Variants in TMEFF1 observed in about 807,000 individuals in gnomAD.
TMEFF1 encodes transmembrane protein with EGF like and two follistatin like domains 1.
A neutral mutation model predicts 47.5 loss-of-function variants in TMEFF1; 20 were observed. That is an observed-to-expected ratio of 0.42 (90% CI 0.30 to 0.61). TMEFF1 has a LOEUF of 0.61. Among genes scored for constraint, TMEFF1 ranks in the 20% least tolerant of loss-of-function variants. TMEFF1 has a pLI of 0.19. For missense variants in TMEFF1, 411 were observed against 471.1 expected (o/e 0.87, Z 1.18); for synonymous variants, 162 against 166.3 (o/e 0.97, Z 0.20).
chr9:100,534,929 T>A (rs1238317394), intron 5 of TMEFF1, among the ~76,000 whole-genome samples: 3 of 152,178 alleles, frequency 2.0e-5, no homozygotes, highest in African/African-American at 7.2e-5. Flanking sequence ...ATCCTTTAGG[T>A]CAGGGTGGGC....
intron 5 of TMEFF1, among the ~76,000 whole-genome samples, chr9:100,545,646 C>G (rs1224400992): frequency 6.6e-6 from 1 of 152,178 alleles, no homozygotes; most frequent in African/African-American, 2.4e-5. Flanking sequence ...GCTTGAATTT[C>G]TTCTCAAAAA....
rs531572759 is a variant in TMEFF1, at chr9:100,513,197, C to G, written c.437-110C>G. 210 of 1,409,882 alleles carry G rather than the reference C, an allele frequency of 1.5e-4. No individual in the cohort carries two copies. In the African/African-American group the frequency reaches 2.7e-3, roughly 18 times the overall value. 87.3% of individuals were successfully genotyped at this position (1,409,882 alleles called of 1,614,324 possible). On this transcript the variant is annotated intron_variant, in intron 3 of 9. Coordinates refer to ENST00000374879, the MANE Select transcript of TMEFF1 (RefSeq NM_003692.5). ...AGATATCAAAAATATGAGAAAAGGA[C>G]TCTTTGAGAATGGATATCACAGTTT...
At chr9:100,575,069 G>A (rs1839323722) in intron 9 of TMEFF1, among the ~76,000 whole-genome samples, 1 of 152,028 alleles carries the variant, frequency 6.6e-6, no homozygotes, top group African/African-American at 2.4e-5. Flanking sequence ...TTTTATTATG[G>A]TATTTCCTCC....
intron 1 of TMEFF1, among the ~76,000 whole-genome samples, chr9:100,487,250 A>G (rs550471265): frequency 5.3e-5 from 8 of 152,030 alleles, no homozygotes; most frequent in African/African-American, 1.2e-4. Flanking sequence ...TGCAACCTCT[A>G]CCTCCTGGGT....
At chr9:100,503,881 A>G (rs968479960) in intron 2 of TMEFF1, among the ~76,000 whole-genome samples, 15 of 152,218 alleles carry the variant, frequency 9.9e-5, no homozygotes, top group Non-Finnish European at 2.1e-4. Context: ...TCCTTCACAG[A>G]TAAACCCAGA....
rs759006069 is a variant in TMEFF1, at chr9:100,498,762, C to T, written c.197-3C>T. The stretch of plus-strand genomic sequence containing the variant: ...TATGTCAAACAATTTTTTTCTTTTG[C>T]AGAATTAAATGTGAGGGAGTCTGAC... On this transcript the variant is annotated splice_polypyrimidine_tract_variant and splice_region_variant and intron_variant, in intron 1 of 9. Transcript: ENST00000374879. 6.2e-7 allele frequency: 1 copy of T among 1,609,166 alleles called. No individual in the cohort carries two copies. Among genetic ancestry groups the T allele is most frequent in the East Asian group, 2.2e-5 (1 of 44,808 alleles).
At position 100,473,661 on chromosome 9, in the gene TMEFF1, G is replaced by A. The variant is rs1564259086; in HGVS notation, c.117G>A (p.Ala39=). The change falls in exon 1 of 10, where the codon GCG becomes GCA. Residue 39 remains alanine, a synonymous_variant. Transcript: ENST00000374879. The surrounding 1 kb of genome is among the most constrained non-coding windows in gnomAD (Gnocchi z 5.4). The stretch of plus-strand genomic sequence containing the variant: ...CCTTCTCTCTGCCCGGGAGCCGCGC[G>A]TCCAACCAGCCCCCGGGTGGTGGCG... ...LFAFSLPGSR[A]SNQPPGGGGG... The A allele has an allele frequency of 1.9e-6, 3 of 1,546,690 alleles. No homozygotes were observed. The highest frequency in any genetic ancestry group is 1.7e-4 in the Middle Eastern group (1 of 5,872).
chr9:100,473,575 C>G lies in TMEFF1; in HGVS notation c.31C>G (p.Arg11Gly), dbSNP rs1461603750. The G allele has an allele frequency of 4.5e-6, 7 of 1,545,130 alleles. No homozygotes were observed. Among genetic ancestry groups the G allele is most frequent in the Non-Finnish European group, 5.2e-6 (6 of 1,147,750 alleles). The change falls in exon 1 of 10, where the codon CGG (arginine) becomes GGG (glycine). Residue 11 changes from arginine (R) to glycine (G), a missense_variant. Coordinates refer to ENST00000374879, the MANE Select transcript of TMEFF1 (RefSeq NM_003692.5). This position sits in a 1 kb window ranked among gnomAD's most constrained non-coding sequence, Gnocchi z 5.4. MGAAAAEAPL[R>G]LPAAPPLAFC... ...CGCCGCAGCCGCTGAGGCGCCGCTC[C>G]GGCTGCCTGCCGCGCCTCCGCTCGC...
intron 5 of TMEFF1, among the ~76,000 whole-genome samples, chr9:100,530,717 C>T (rs963031348): frequency 1.3e-5 from 2 of 152,170 alleles, no homozygotes; most frequent in Admixed American, 6.5e-5. Context: ...AAAGAGGGAA[C>T]CCTTCCTAAC....
At chr9:100,507,169 G>T (rs529807998) in intron 2 of TMEFF1, among the ~76,000 whole-genome samples, 2 of 152,246 alleles carry the variant, frequency 1.3e-5, no homozygotes, top group South Asian at 4.1e-4. Context: ...CTGCATCCAT[G>T]TTGCTGCAGA....
intron 2 of TMEFF1, among the ~76,000 whole-genome samples, chr9:100,501,253 A>G (rs923532029): frequency 2.0e-5 from 3 of 152,218 alleles, no homozygotes; most frequent in Non-Finnish European, 4.4e-5. Flanking sequence ...ACTCATGTGC[A>G]GATTAACATT....
Position 100,574,982 on chromosome 9 carries a change from T to G in TMEFF1, c.1059-1534T>G, listed in dbSNP as rs1026977257. Among the ~76,000 whole-genome samples, 10 of 152,340 alleles carry G rather than the reference T, an allele frequency of 6.6e-5. No individual in the cohort carries two copies. In the East Asian group the frequency reaches 1.9e-3, roughly 29 times the overall value. ...GTGTATTTCTAACTATGTCACAGTG[T>G]CTTTACTGCCCACTGTCTCTACGAT... is the stretch of plus-strand genomic sequence containing the variant. On this transcript the variant is annotated intron_variant, in intron 9 of 9. Transcript: ENST00000374879.
At chr9:100,563,492 AT>A (rs1332250959) in intron 8 of TMEFF1, among the ~76,000 whole-genome samples, 1 of 152,228 alleles carries the variant, frequency 6.6e-6, no homozygotes, top group Non-Finnish European at 1.5e-5. Flanking sequence ...AGGCTTTGAA[AT>A]TGGATACACT....
intron 4 of TMEFF1, among the ~76,000 whole-genome samples, chr9:100,514,072 A>G (rs1236945465): frequency 1.3e-5 from 2 of 152,176 alleles, no homozygotes; most frequent in African/African-American, 4.8e-5. Context: ...ATGAGTATGT[A>G]CTGTATACCA....
intron 8 of TMEFF1, among the ~76,000 whole-genome samples, chr9:100,571,093 T>G (rs1295888455): frequency 6.6e-6 from 1 of 152,178 alleles, no homozygotes; most frequent in African/African-American, 2.4e-5. Context: ...TGCTTGACAT[T>G]GTTTCTGTTA....
Position 100,515,851 on chromosome 9 carries a change from A to G in TMEFF1, c.464-824A>G, listed in dbSNP as rs115534104. 6.1e-3 allele frequency among the ~76,000 whole-genome samples: 934 copies of G among 152,132 alleles called. 9 individuals carry two copies. The highest frequency in any genetic ancestry group is 0.021 in the African/African-American group (873 of 41,498). ...CTCCCTGAATAGTACTCTTTTTCAA[A>G]CCAAATTCGAGGGAAATCCCTTGAA... is the stretch of plus-strand genomic sequence containing the variant. On this transcript the variant is annotated intron_variant, in intron 4 of 9. Transcript: ENST00000374879.
At chr9:100,529,705 A>G (rs1046295054) in intron 5 of TMEFF1, among the ~76,000 whole-genome samples, 1 of 152,164 alleles carries the variant, frequency 6.6e-6, no homozygotes, top group African/African-American at 2.4e-5. Flanking sequence ...GTCAACAAGG[A>G]TACCCAGGAA....
chr9:100,491,970 C>T (rs183258432), intron 1 of TMEFF1, among the ~76,000 whole-genome samples: 184 of 151,598 alleles, frequency 1.2e-3, no homozygotes, highest in African/African-American at 4.3e-3. Flanking sequence ...ACCTCTGCCT[C>T]CTGGGTCGCA....
intron 5 of TMEFF1, among the ~76,000 whole-genome samples, chr9:100,530,506 G>A (rs1195561834): frequency 2.0e-5 from 3 of 152,144 alleles, no homozygotes; most frequent in Admixed American, 6.5e-5. Context: ...TAAATTCCTC[G>A]ACACATACAC....
Sources: gnomAD v4.1 joint callset for allele counts (sites outside exome capture counted in the v4.1 genomes callset) on GRCh38, gnomAD v4.1.1 for gene constraint, Gnocchi (gnomAD v3.1) non-coding constraint, MANE v1.5 for transcripts, NCBI Gene and HGNC (gene_info 2026-07-23, HGNC 2026-07-21) for gene names.